Variants in AR observed in about 807,000 individuals in gnomAD.
The protein encoded by AR is dihydrotestosterone receptor.
In AR, 8 loss-of-function variants were observed where a neutral mutation model predicts 53.9. That is an observed-to-expected ratio of 0.15 (90% CI 0.09 to 0.27). AR has a LOEUF of 0.27. AR is among the 10% of genes least tolerant of loss of function. The pLI is 1.00. For missense variants in AR, 639 were observed against 742.5 expected (o/e 0.86, Z 1.62); for synonymous variants, 359 against 316.4 (o/e 1.13, Z -1.43).
At chrX:67,693,115 A>T (rs1187919108) in intron 3 of AR, among the ~76,000 whole-genome samples, 2 of 112,931 alleles carry the variant, frequency 1.8e-5, no homozygotes, top group Non-Finnish European at 3.7e-5. Context: ...CTATGGTTAG[A>T]GCGAAGTAAA....
At chrX:67,598,481 A>T (rs1427547909) in intron 1 of AR, among the ~76,000 whole-genome samples, 2 of 110,466 alleles carry the variant, frequency 1.8e-5, no homozygotes, top group East Asian at 5.7e-4. Context: ...GGGTTTCACC[A>T]TGTTGATCAG....
At chrX:67,662,873 A>G (rs1396985332) in intron 2 of AR, among the ~76,000 whole-genome samples, 1 of 111,403 alleles carries the variant, frequency 9.0e-6, no homozygotes, top group African/African-American at 3.3e-5. Context: ...CTTTACCATT[A>G]TGTAATGGCC....
At chrX:67,667,019 T>G (rs893337922) in intron 2 of AR, among the ~76,000 whole-genome samples, 1 of 111,232 alleles carries the variant, frequency 9.0e-6, no homozygotes, top group East Asian at 2.8e-4. Context: ...GGGTTGTCTC[T>G]TCACTTTGTT....
chrX:67,618,552 A>G (rs770956942), intron 1 of AR, among the ~76,000 whole-genome samples: 1 of 111,770 alleles, frequency 8.9e-6, no homozygotes, highest in East Asian at 2.9e-4. Context: ...TGAAAGCCAC[A>G]TGGTGGATGG....
At chrX:67,607,031 GTTT>G (rs765496242) in intron 1 of AR, among the ~76,000 whole-genome samples, 1 of 105,015 alleles carries the variant, frequency 9.5e-6, no homozygotes, top group Non-Finnish European at 2.0e-5. Context: ...TTGTGTTTTT[GTTT>G]TTTTTTTTAT....
At chrX:67,631,917 C>A (rs1925148994) in intron 1 of AR, among the ~76,000 whole-genome samples, 1 of 113,047 alleles carries the variant, frequency 8.8e-6, no homozygotes, top group Admixed American at 9.3e-5. Flanking sequence ...GTCAGTCTGC[C>A]CCTGCTGGGG....
intron 3 of AR, among the ~76,000 whole-genome samples, chrX:67,694,392 C>A (rs1212466080): frequency 9.2e-6 from 1 of 109,278 alleles, no homozygotes. Context: ...GAGAGATGCA[C>A]GCACACATAT....
intron 2 of AR, among the ~76,000 whole-genome samples, chrX:67,670,485 T>A (rs915177780): frequency 9.4e-6 from 1 of 106,182 alleles, no homozygotes; most frequent in African/African-American, 3.4e-5. Context: ...TTCATGCAAA[T>A]GGAAACCAAA....
intron 1 of AR, among the ~76,000 whole-genome samples, chrX:67,629,947 T>C (rs1344583562): frequency 2.7e-5 from 3 of 111,597 alleles, no homozygotes; most frequent in Non-Finnish European, 5.7e-5. Flanking sequence ...GTTGAGCGGT[T>C]TTGAGTGAGA....
rs1346778447 is a variant in AR, at chrX:67,729,556, T to C, written c.*5715T>C. Reference sequence around the variant, plus strand: ...GTAATATGCATTGATTGGCTTCTGATTCCAATTCAGTATAGCAAGGTGCTA... The same window carrying C: ...GTAATATGCATTGATTGGCTTCTGACTCCAATTCAGTATAGCAAGGTGCTA... On this transcript the variant is annotated 3_prime_UTR_variant, in exon 8 of 8. Coordinates refer to ENST00000374690, the MANE Select transcript of AR (RefSeq NM_000044.6). 5.8e-6 allele frequency: 1 copy of C among 173,195 alleles called. No individual in the cohort carries two copies. The highest frequency in any genetic ancestry group is 7.9e-5 in the Admixed American group (1 of 12,595). The allele number at this position is 173,195 out of a possible 1,213,427, so 14.3% of individuals were successfully genotyped here. A position where few individuals can be genotyped will look rare whatever the true frequency, so the allele number is the denominator to read the frequency against.
rs765059803 is a variant in AR, at chrX:67,698,713, AG to A, written c.1885+12588del. Among the ~76,000 whole-genome samples, 455 of 112,156 alleles carry A rather than the reference AG, an allele frequency of 4.1e-3. 1 individual carries two copies. Among genetic ancestry groups the A allele is most frequent in the African/African-American group, 0.011 (345 of 30,897 alleles). ...AGTTTCACAGGCATTCATGTGTGGAAGAACCTCAGTTATTGTTTTTTGTTTC... is the reference window on the plus strand; with the variant it reads ...AGTTTCACAGGCATTCATGTGTGGAAAACCTCAGTTATTGTTTTTTGTTTC... On this transcript the variant is annotated intron_variant, in intron 3 of 7. Transcript: ENST00000374690.
chrX:67,544,845 T>G lies in AR; in HGVS notation c.-302T>G. The G allele has an allele frequency of 2.0e-4, 46 of 235,692 alleles. No homozygotes were observed. The highest frequency in any genetic ancestry group is 3.8e-4 in the East Asian group (6 of 15,589). The allele number at this position is 235,692 out of a possible 1,213,427, so 19.4% of individuals were successfully genotyped here. Reference sequence around the variant, plus strand: ...GACACTGAATTTGGAAGGTGGAGGATTTTGTTTTTTTCTTTTAAGATCTGG... The same window carrying G: ...GACACTGAATTTGGAAGGTGGAGGAGTTTGTTTTTTTCTTTTAAGATCTGG... On this transcript the variant is annotated 5_prime_UTR_variant, in exon 1 of 8. Coordinates refer to ENST00000374690, the MANE Select transcript of AR (RefSeq NM_000044.6).
At position 67,613,080 on chromosome X, in the gene AR, A is replaced by C. The variant is rs761555798; in HGVS notation, c.1617-30176A>C. 3.4e-4 allele frequency among the ~76,000 whole-genome samples: 38 copies of C among 112,266 alleles called. No homozygotes were observed. In the South Asian group the frequency reaches 4.5e-3, roughly 13 times the overall value. ...CCCAGGGATGGTAAGTCAAGAATACAGGGATCCTGCTTGTGCCTGCCTCAG... is the reference window on the plus strand; with the variant it reads ...CCCAGGGATGGTAAGTCAAGAATACCGGGATCCTGCTTGTGCCTGCCTCAG... On this transcript the variant is annotated intron_variant, in intron 1 of 7. Transcript: ENST00000374690.
intron 2 of AR, among the ~76,000 whole-genome samples, chrX:67,647,363 A>G (rs1926105084): frequency 9.0e-6 from 1 of 111,619 alleles, no homozygotes; most frequent in Non-Finnish European, 1.9e-5. Flanking sequence ...TTTGTTAGGG[A>G]AGAAATGCAA....
chrX:67,664,188 A>T (rs1447027337), intron 2 of AR, among the ~76,000 whole-genome samples: 1 of 112,060 alleles, frequency 8.9e-6, no homozygotes, highest in East Asian at 2.8e-4. Context: ...TGGAGGAAGA[A>T]AGGCACTCTG....
At chrX:67,577,103 A>G (rs926837257) in intron 1 of AR, among the ~76,000 whole-genome samples, 1 of 105,230 alleles carries the variant, frequency 9.5e-6, no homozygotes, top group African/African-American at 3.5e-5. Flanking sequence ...TCTGCCCATT[A>G]GCAGTTACTC....
intron 1 of AR, among the ~76,000 whole-genome samples, chrX:67,554,610 C>G (rs1284525526): frequency 9.0e-6 from 1 of 111,590 alleles, no homozygotes; most frequent in East Asian, 2.8e-4. Flanking sequence ...TAATAGCTGT[C>G]TGTAGAGATT....
intron 1 of AR, among the ~76,000 whole-genome samples, chrX:67,586,752 T>A (rs1186982987): frequency 8.9e-6 from 1 of 111,986 alleles, no homozygotes; most frequent in African/African-American, 3.3e-5. Flanking sequence ...ATAGTTCTTG[T>A]ATGTTGAGTT....
At chrX:67,697,777 G>C (rs112133186) in intron 3 of AR, among the ~76,000 whole-genome samples, 9,053 of 111,119 alleles carry the variant, frequency 0.081, 284 homozygotes, top group African/African-American at 0.11. Flanking sequence ...ATCTGTTCAA[G>C]GTCACACATT....
Sources: allele counts gnomAD v4.1 joint callset (sites outside exome capture counted in the v4.1 genomes callset), GRCh38; gene constraint gnomAD v4.1.1; transcripts MANE v1.5; gene names NCBI Gene and HGNC (gene_info 2026-07-23, HGNC 2026-07-21).